NTM: variants seen among roughly 807,000 people sequenced by gnomAD.
The protein encoded by NTM is IgLON family member 2.
In NTM, 13 loss-of-function variants were observed where a neutral mutation model predicts 42.1. The observed-to-expected ratio is 0.31, with a 90% CI of 0.20 to 0.49. NTM has a LOEUF of 0.49. NTM is among the 20% of genes least tolerant of loss of function. The pLI is 0.99. For missense variants in NTM, 373 were observed against 452.8 expected, an observed-to-expected ratio of 0.82 and a Z score of 1.60; for synonymous variants, 187 against 179.2, an observed-to-expected ratio of 1.04 and a Z score of -0.35.
At chr11:132,092,653 C>G (rs879639301) in intron 2 of NTM, among the ~76,000 whole-genome samples, 1 of 152,170 alleles carries the variant, frequency 6.6e-6, no homozygotes, top group Non-Finnish European at 1.5e-5. Context: ...ATCGATGGCT[C>G]CAGCTTAGTC....
chr11:132,205,688 C>A (rs1328993940), intron 3 of NTM, among the ~76,000 whole-genome samples: 1 of 152,124 alleles, frequency 6.6e-6, no homozygotes, highest in African/African-American at 2.4e-5. Flanking sequence ...AAGCCAATGA[C>A]CTTTTCAAAG....
intron 1 of NTM, among the ~76,000 whole-genome samples, chr11:131,701,770 G>A (rs986205607): frequency 2.6e-5 from 4 of 152,156 alleles, no homozygotes; most frequent in African/African-American, 7.2e-5. Flanking sequence ...CAAATGCAAG[G>A]CTGTCTCTAC....
At chr11:131,515,614 G>A (rs1401946878) in intron 1 of NTM, among the ~76,000 whole-genome samples, 1 of 152,184 alleles carries the variant, frequency 6.6e-6, no homozygotes, top group African/African-American at 2.4e-5. Flanking sequence ...TTCTGCTGGT[G>A]CTAGGGACAT....
chr11:131,983,163 T>G (rs1322286253), intron 2 of NTM, among the ~76,000 whole-genome samples: 2 of 152,136 alleles, frequency 1.3e-5, no homozygotes, highest in South Asian at 4.1e-4. Context: ...TTGGTTTATC[T>G]TGACCTCAGT....
intron 1 of NTM, among the ~76,000 whole-genome samples, chr11:131,507,118 T>C (rs1182399476): frequency 6.6e-6 from 1 of 152,190 alleles, no homozygotes; most frequent in Non-Finnish European, 1.5e-5. Context: ...AGGGCAAGAT[T>C]ATTTTCTTTC....
rs114448911 is a variant in NTM, at chr11:131,715,693, C to T, written c.83-195871C>T. ...CCAGCTTCAGGAAATCACTGATCTC[C>T]CTTCTGTCACCATAGATTCATTTGC... On this transcript the variant is annotated intron_variant, in intron 1 of 8. Transcript: ENST00000683400. 8.9e-3 allele frequency among the ~76,000 whole-genome samples: 1,357 copies of T among 152,226 alleles called. 24 individuals are homozygous for T. Among genetic ancestry groups the T allele is most frequent in the African/African-American group, 0.027 (1,111 of 41,542 alleles).
At chr11:131,783,069 G>A (rs2088474934) in intron 1 of NTM, among the ~76,000 whole-genome samples, 1 of 152,058 alleles carries the variant, frequency 6.6e-6, no homozygotes, top group African/African-American at 2.4e-5. Context: ...GCATGATTGT[G>A]TACATAGAAA....
chr11:131,415,135 G>A (rs1946814212), intron 1 of NTM, among the ~76,000 whole-genome samples: 1 of 152,210 alleles, frequency 6.6e-6, no homozygotes. Flanking sequence ...GAATGGGGTT[G>A]AGCTGTAATT....
intron 1 of NTM, among the ~76,000 whole-genome samples, chr11:131,758,039 A>G (rs1342953996): frequency 6.6e-6 from 1 of 152,220 alleles, no homozygotes; most frequent in Non-Finnish European, 1.5e-5. Context: ...AAGAATCTCC[A>G]GATGGTCACC....
At chr11:132,093,608 A>C (rs977794353) in intron 2 of NTM, among the ~76,000 whole-genome samples, 3 of 152,060 alleles carry the variant, frequency 2.0e-5, no homozygotes, top group Admixed American at 1.3e-4. Flanking sequence ...TTGATATTGC[A>C]TTGTACCCTG....
intron 1 of NTM, among the ~76,000 whole-genome samples, chr11:131,748,493 C>T (rs1394189142): frequency 1.3e-5 from 2 of 152,200 alleles, no homozygotes; most frequent in African/African-American, 4.8e-5. Flanking sequence ...CTTTTGGGAC[C>T]AGGCTAGATC....
chr11:131,719,314 C>T (rs919978563), intron 1 of NTM, among the ~76,000 whole-genome samples: 2 of 152,166 alleles, frequency 1.3e-5, no homozygotes, highest in Non-Finnish European at 2.9e-5. Context: ...GAAGTCCACC[C>T]TTTGTTCTTG....
intron 7 of NTM, among the ~76,000 whole-genome samples, chr11:132,321,864 G>A (rs1295649490): frequency 9.9e-4 from 148 of 148,868 alleles, no homozygotes; most frequent in African/African-American, 3.7e-3. Flanking sequence ...AGAGAGTGGG[G>A]GCCAATATTC....
chr11:131,728,545 T>G (rs2079231020), intron 1 of NTM, among the ~76,000 whole-genome samples: 1 of 152,346 alleles, frequency 6.6e-6, no homozygotes, highest in Admixed American at 6.5e-5. Context: ...TGGATTTTTG[T>G]GGAGGCTTCA....
intron 1 of NTM, among the ~76,000 whole-genome samples, chr11:131,446,051 C>T (rs1286694610): frequency 6.6e-6 from 1 of 152,196 alleles, no homozygotes; most frequent in Non-Finnish European, 1.5e-5. Flanking sequence ...ACTAAAACTT[C>T]CAGATAATTT....
chr11:132,114,340 G>A (rs544709112), intron 2 of NTM, among the ~76,000 whole-genome samples: 2 of 152,110 alleles, frequency 1.3e-5, no homozygotes, highest in African/African-American at 2.4e-5. Context: ...AGGCCCCTGC[G>A]ACCCAGTGTC....
chr11:132,073,754 G>A (rs958783768), intron 2 of NTM, among the ~76,000 whole-genome samples: 11 of 152,106 alleles, frequency 7.2e-5, no homozygotes, highest in South Asian at 2.1e-4. Flanking sequence ...AAATCCTGTC[G>A]CTAAAGAGCC....
At position 131,617,912 on chromosome 11, in the gene NTM, C is replaced by T. The variant is rs144268646; in HGVS notation, c.82+247024C>T. ...TGGGAGGGCGAGCCACCCAGTGTGC[C>T]GTCTGACCTTGAGATGGACAGGGAG... On this transcript the variant is annotated intron_variant, in intron 1 of 8. Transcript: ENST00000683400. Among the ~76,000 whole-genome samples the T allele has an allele frequency of 1.6e-3, 243 of 152,206 alleles. 2 individuals are homozygous for T. Among genetic ancestry groups the T allele is most frequent in the African/African-American group, 5.6e-3 (231 of 41,542 alleles).
intron 1 of NTM, among the ~76,000 whole-genome samples, chr11:131,613,929 G>A (rs566458372): frequency 9.9e-5 from 15 of 152,234 alleles, no homozygotes; most frequent in South Asian, 6.2e-4. Context: ...TCCTACTCCC[G>A]GCTGCCTCCC....
Sources: allele counts gnomAD v4.1 joint callset (sites outside exome capture counted in the v4.1 genomes callset), GRCh38; gene constraint gnomAD v4.1.1; transcripts MANE v1.5; gene names NCBI Gene and HGNC (gene_info 2026-07-23, HGNC 2026-07-21).